ARHGEF28: variants seen among roughly 807,000 people sequenced by gnomAD.
ARHGEF28 encodes 190 kDa guanine nucleotide exchange factor.
A neutral mutation model predicts 206.6 loss-of-function variants in ARHGEF28; 152 were observed. The observed-to-expected ratio is 0.74, with a 90% CI of 0.64 to 0.84. The LOEUF is 0.84. Among genes scored for constraint, ARHGEF28 ranks in the 40% least tolerant of loss-of-function variants. The pLI is 0.00. For missense variants in ARHGEF28, 2,028 were observed against 2,073.2 expected, an observed-to-expected ratio of 0.98 and a Z score of 0.42; for synonymous variants, 763 against 776.4, an observed-to-expected ratio of 0.98 and a Z score of 0.29.
In ARHGEF28 at chr5:73,907,879, G is replaced by A. The variant is rs971068266; in HGVS notation, c.4162-1533G>A. ...TACCTCACAGAAGCACTTAATTACT[G>A]TAGCTGTAACTCTTACGTGAGAGTT... On this transcript the variant is annotated intron_variant, in intron 33 of 35. Coordinates refer to ENST00000513042, the MANE Select transcript of ARHGEF28 (RefSeq NM_001177693.2). Among the ~76,000 whole-genome samples the A allele has an allele frequency of 3.3e-5, 5 of 152,186 alleles. No homozygotes were observed. In the East Asian group the frequency reaches 9.6e-4, roughly 29 times the overall value.
chr5:73,720,413 A>C (rs1258347165), intron 2 of ARHGEF28, among the ~76,000 whole-genome samples: 2 of 152,118 alleles, frequency 1.3e-5, no homozygotes, highest in African/African-American at 2.4e-5. Flanking sequence ...TTGACAAAGG[A>C]GTAGTCATCA....
chr5:73,696,107 C>T (rs56654111), intron 2 of ARHGEF28, among the ~76,000 whole-genome samples: 4,399 of 152,256 alleles, frequency 0.029, 211 homozygotes, highest in African/African-American at 0.1. Flanking sequence ...CAGTGCCCAA[C>T]GCACTGTAGG....
rs1393497770 is a variant in ARHGEF28 at position 73,909,878 on chromosome 5, T to G, written c.4628T>G (p.Leu1543Arg). 2.6e-6 allele frequency: 4 copies of G among 1,515,080 alleles called. No individual in the cohort carries two copies. In the Admixed American group the frequency reaches 6.6e-5, roughly 25 times the overall value. 93.9% of individuals were successfully genotyped at this position (1,515,080 alleles called of 1,614,324 possible). The change falls in exon 34 of 36, where the codon CTC (leucine) becomes CGC (arginine). Residue 1543 changes from leucine (L) to arginine (R), a missense_variant. Leu to Arg is a moderately radical substitution (Grantham distance 102). Coordinates refer to ENST00000513042, the MANE Select transcript of ARHGEF28 (RefSeq NM_001177693.2). ...CGGCAGAGGAGCCTGCCCGCGGTGC[T>G]CCTTCCGGGTGGCCCCGAGGTATGG... Reference protein sequence around the residue: ...HGRQRSLPAVLLPGGPEVMEL... With the variant: ...HGRQRSLPAVRLPGGPEVMEL...
At chr5:73,777,272 A>G (rs890518392) in intron 6 of ARHGEF28, among the ~76,000 whole-genome samples, 1 of 152,092 alleles carries the variant, frequency 6.6e-6, no homozygotes, top group Non-Finnish European at 1.5e-5. Context: ...GTAGACTTTG[A>G]AAGAATATTA....
At chr5:73,762,455 C>CAAAAAAAAAAAAAA (rs35028103) in intron 4 of ARHGEF28, among the ~76,000 whole-genome samples, 8 of 66,822 alleles carry the variant, frequency 1.2e-4, no homozygotes, top group Non-Finnish European at 2.0e-4. Context: ...GACTCCCTCT[C>CAAAAAAAAAAAAAA]AAAAAAAAAA....
At chr5:73,701,607 C>G (rs184646397) in intron 2 of ARHGEF28, among the ~76,000 whole-genome samples, 2 of 152,284 alleles carry the variant, frequency 1.3e-5, no homozygotes, top group African/African-American at 4.8e-5. Context: ...TATGCCCTCA[C>G]TCCCCTCCCC....
chr5:73,939,902 T>C (rs1742491522), intron 35 of ARHGEF28, among the ~76,000 whole-genome samples: 2 of 152,186 alleles, frequency 1.3e-5, no homozygotes, highest in Admixed American at 6.5e-5. Context: ...TTTTTTTTAA[T>C]TTTAATTTTT....
intron 24 of ARHGEF28, among the ~76,000 whole-genome samples, chr5:73,885,495 G>A (rs1047743336): frequency 5.7e-5 from 8 of 139,640 alleles, no homozygotes; most frequent in Non-Finnish European, 1.1e-4. Flanking sequence ...TTTTTTCTTC[G>A]AGACAGAGTC....
At position 73,647,563 on chromosome 5, in the gene ARHGEF28, T is replaced by A. The variant is rs544181546; in HGVS notation, c.-12+21241T>A. Reference sequence around the variant, plus strand: ...AGTCATATTAAAAAGTCAAAAGTGGTAGGTGAAAGTAATCCAGTATTTTTA... The same window carrying A: ...AGTCATATTAAAAAGTCAAAAGTGGAAGGTGAAAGTAATCCAGTATTTTTA... On this transcript the variant is annotated intron_variant, in intron 1 of 35. Coordinates refer to ENST00000513042, the MANE Select transcript of ARHGEF28 (RefSeq NM_001177693.2). Among the ~76,000 whole-genome samples, 4 of 152,222 alleles carry A rather than the reference T, an allele frequency of 2.6e-5. No individual in the cohort carries two copies. In the East Asian group the frequency reaches 7.7e-4, roughly 29 times the overall value.
chr5:73,801,264 G>T (rs533400361), intron 9 of ARHGEF28, among the ~76,000 whole-genome samples: 21 of 152,054 alleles, frequency 1.4e-4, no homozygotes, highest in African/African-American at 5.1e-4. Flanking sequence ...GGCTAACATG[G>T]TGAAACCCGG....
intron 25 of ARHGEF28, among the ~76,000 whole-genome samples, chr5:73,886,593 A>T (rs542785239): frequency 2.6e-5 from 4 of 152,212 alleles, no homozygotes; most frequent in Non-Finnish European, 5.9e-5. Flanking sequence ...CCTCAGTGCT[A>T]CTGTTTGCTA....
rs370444732 is a variant in ARHGEF28, at chr5:73,806,082, A to G, written c.1024+10691A>G. On this transcript the variant is annotated intron_variant, in intron 9 of 35. Transcript: ENST00000513042. Reference sequence around the variant, plus strand: ...ATTTACATGTGGATAACAATATAAAATAGTTAACTTATTTACATAGTTAAC... The same window carrying G: ...ATTTACATGTGGATAACAATATAAAGTAGTTAACTTATTTACATAGTTAAC... Among the ~76,000 whole-genome samples, 8 of 151,610 alleles carry G rather than the reference A, an allele frequency of 5.3e-5. No individual in the cohort carries two copies. The East Asian group carries it at 9.7e-4, about 18-fold the overall frequency.
intron 4 of ARHGEF28, among the ~76,000 whole-genome samples, chr5:73,771,110 C>T (rs1336955990): frequency 6.6e-6 from 1 of 152,134 alleles, no homozygotes; most frequent in Non-Finnish European, 1.5e-5. Context: ...TTTCCTTTAC[C>T]AATGGTATAA....
chr5:73,833,717 T>G (rs192934627), intron 10 of ARHGEF28, among the ~76,000 whole-genome samples: 5 of 152,224 alleles, frequency 3.3e-5, no homozygotes, highest in Non-Finnish European at 7.4e-5. Flanking sequence ...TTTAATTGAC[T>G]CACACTTCTG....
At chr5:73,748,635 G>A (rs1580563051) in intron 2 of ARHGEF28, among the ~76,000 whole-genome samples, 1 of 152,066 alleles carries the variant, frequency 6.6e-6, no homozygotes, top group Admixed American at 6.5e-5. Flanking sequence ...TCTATCATAG[G>A]GTAAGGATAT....
At chr5:73,920,234 G>A (rs760581694) in intron 35 of ARHGEF28, among the ~76,000 whole-genome samples, 1 of 152,176 alleles carries the variant, frequency 6.6e-6, no homozygotes, top group Non-Finnish European at 1.5e-5. Context: ...GTAATATGGT[G>A]CATGTTAGAT....
Position 73,892,063 on chromosome 5 carries a change from A to G in ARHGEF28, c.3399A>G (p.Pro1133=), listed in dbSNP as rs868210771. The G allele has an allele frequency of 1.5e-5, 24 of 1,601,438 alleles. No individual in the cohort carries two copies. Among genetic ancestry groups the G allele is most frequent in the Middle Eastern group, 3.3e-4 (2 of 6,072 alleles). The change falls in exon 27 of 36, where the codon CCA becomes CCG. Residue 1133 remains proline, a synonymous_variant. Transcript: ENST00000513042. ...KYIFAAVDQK[P]SVISLQKLIA... ...CCTATTTTATGTAGGATCAGAAGCC[A>G]TCAGTTATTTCCCTTCAAAAGCTTA...
chr5:73,708,482 G>T (rs1281831857), intron 2 of ARHGEF28, among the ~76,000 whole-genome samples: 1 of 152,046 alleles, frequency 6.6e-6, no homozygotes, highest in African/African-American at 2.4e-5. Context: ...GCATTAATTT[G>T]CTTAGGATAA....
intron 2 of ARHGEF28, among the ~76,000 whole-genome samples, chr5:73,744,679 G>A (rs1204323724): frequency 1.3e-5 from 2 of 151,892 alleles, no homozygotes; most frequent in Non-Finnish European, 2.9e-5. Context: ...ATATTTAACA[G>A]TCAACTTATA....
Sources: gnomAD v4.1 joint callset for allele counts (sites outside exome capture counted in the v4.1 genomes callset) on GRCh38, gnomAD v4.1.1 for gene constraint, MANE v1.5 for transcripts, NCBI Gene and HGNC (gene_info 2026-07-23, HGNC 2026-07-21) for gene names.